VRK2: variants seen among roughly 807,000 people sequenced by gnomAD.
VRK2 encodes serine/threonine-protein kinase VRK2.
A neutral mutation model predicts 57.6 loss-of-function variants in VRK2; 60 were observed. The ratio of observed to expected loss-of-function variants is 1.04; its 90% CI spans 0.85 to 1.29. The LOEUF is 1.29. Ranked by LOEUF, VRK2 falls within the 50% of genes most tolerant of loss-of-function variation. The probability of loss-of-function intolerance (pLI) is 0.00; values close to 1 mark genes in which losing one functional copy is unlikely to be tolerated. For missense variants in VRK2, 705 were observed against 588.1 expected (o/e 1.20, Z -2.06); for synonymous variants, 231 against 199.2 (o/e 1.16, Z -1.35).
At chr2:57,910,305 C>G (rs1273645977) in intron 1 of VRK2, among the ~76,000 whole-genome samples, 2 of 152,152 alleles carry the variant, frequency 1.3e-5, no homozygotes, top group African/African-American at 4.8e-5. Context: ...TGCATTCTAT[C>G]AGAATGGCTG....
At chr2:57,941,622 C>T (rs868295107) in intron 1 of VRK2, among the ~76,000 whole-genome samples, 25 of 152,246 alleles carry the variant, frequency 1.6e-4, no homozygotes, top group Middle Eastern at 3.4e-3. Context: ...ATGCCTGATT[C>T]CCAGGGTACT....
chr2:58,086,435 G>C lies in VRK2; in HGVS notation c.344+9G>C. 6.4e-7 allele frequency: 1 copy of C among 1,566,684 alleles called. No individual in the cohort carries two copies. The highest frequency in any genetic ancestry group is 1.2e-5 in the South Asian group (1 of 83,314). Reference sequence around the variant, plus strand: ...GAATTCAAGGGAAGAAGGTAAAATGGAATTATTATAATCAAATATTTCTTT... The same window carrying C: ...GAATTCAAGGGAAGAAGGTAAAATGCAATTATTATAATCAAATATTTCTTT... On this transcript the variant is annotated intron_variant, in intron 5 of 12. Coordinates refer to ENST00000340157, the MANE Select transcript of VRK2 (RefSeq NM_006296.7).
At chr2:58,085,093 A>T (rs1406846777) in intron 4 of VRK2, 143 bp downstream of exon 4, 1 of 656,982 alleles carries the variant, frequency 1.5e-6, no homozygotes, top group Non-Finnish European at 2.5e-6. Context: ...CTGTTACAAC[A>T]TATAAAAGCA....
chr2:58,010,122 G>A (rs759835213), intron 1 of VRK2, among the ~76,000 whole-genome samples: 9 of 152,092 alleles, frequency 5.9e-5, no homozygotes, highest in Non-Finnish European at 8.8e-5. Flanking sequence ...CAATGAGAAA[G>A]CAACTTGGTA....
At chr2:58,144,627 A>G (rs1164507096) in intron 11 of VRK2, among the ~76,000 whole-genome samples, 1 of 152,020 alleles carries the variant, frequency 6.6e-6, no homozygotes, top group Non-Finnish European at 1.5e-5. Context: ...AGTACGCAAG[A>G]ACCATGGGAG....
chr2:58,120,171 T>G (rs1331248666), intron 7 of VRK2, among the ~76,000 whole-genome samples: 2 of 142,128 alleles, frequency 1.4e-5, no homozygotes, highest in African/African-American at 2.9e-5. Context: ...TTTTGTCTAT[T>G]TTTTTTTCTT....
chr2:58,137,106 TAAC>T (rs1680327676), intron 10 of VRK2, among the ~76,000 whole-genome samples: 1 of 109,882 alleles, frequency 9.1e-6, no homozygotes, highest in African/African-American at 3.4e-5. Flanking sequence ...ATCATATATA[TAAC>T]ATATATCATA....
intron 6 of VRK2, among the ~76,000 whole-genome samples, chr2:58,088,815 G>C (rs1671985923): frequency 6.6e-6 from 1 of 152,164 alleles, no homozygotes; most frequent in Non-Finnish European, 1.5e-5. Context: ...TGTGATGGTA[G>C]GGGGGTGCTA....
At chr2:57,956,533 C>G (rs1319293606) in intron 1 of VRK2, among the ~76,000 whole-genome samples, 2 of 152,172 alleles carry the variant, frequency 1.3e-5, no homozygotes, top group African/African-American at 4.8e-5. Context: ...AATTCTCTTA[C>G]TTTTTCTAGG....
intron 2 of VRK2, among the ~76,000 whole-genome samples, chr2:58,026,571 G>C (rs2103685277): frequency 6.6e-6 from 1 of 152,188 alleles, no homozygotes; most frequent in East Asian, 1.9e-4. Flanking sequence ...GTATGGTTCT[G>C]TTTTATTTTT....
intron 7 of VRK2, among the ~76,000 whole-genome samples, chr2:58,115,531 A>G (rs1676309503): frequency 7.1e-6 from 1 of 141,544 alleles, no homozygotes; most frequent in Middle Eastern, 3.7e-3. Context: ...GGCTAGGCTA[A>G]GACAGTAAGG....
chr2:58,119,320 A>G (rs1439980994), intron 7 of VRK2, among the ~76,000 whole-genome samples: 1 of 151,144 alleles, frequency 6.6e-6, no homozygotes, highest in Admixed American at 6.6e-5. Context: ...TAACATGGTG[A>G]AACCCCATCT....
chr2:58,049,884 T>TTGAA lies in VRK2; in HGVS notation c.136+934_136+937dup, dbSNP rs148208008. On this transcript the variant is annotated intron_variant, in intron 2 of 12. Coordinates refer to ENST00000340157, the MANE Select transcript of VRK2 (RefSeq NM_006296.7). ...TTCTGATAAAATTAAGATTGTAGTTTTGAATGAATGAATGAATGAAGTTTG... is the reference window on the plus strand; with the variant it reads ...TTCTGATAAAATTAAGATTGTAGTTTTGAATGAATGAATGAATGAATGAAGTTTG... Among the ~76,000 whole-genome samples the TTGAA allele has an allele frequency of 6.7e-3, 1,013 of 152,292 alleles. 13 individuals carry two copies. The highest frequency in any genetic ancestry group is 0.023 in the African/African-American group (951 of 41,570).
At chr2:57,997,739 C>G (rs989355903) in intron 1 of VRK2, among the ~76,000 whole-genome samples, 3 of 151,880 alleles carry the variant, frequency 2.0e-5, no homozygotes, top group Non-Finnish European at 4.4e-5. Context: ...ACCGTCTCTA[C>G]AAAAATTAGC....
chr2:58,158,341 A>C (rs561170483), intron 12 of VRK2, among the ~76,000 whole-genome samples: 1 of 152,342 alleles, frequency 6.6e-6, no homozygotes, highest in Admixed American at 6.5e-5. Context: ...TTTAACTCTA[A>C]AGTGAGTCAT....
upstream of VRK2, chr2:58,046,755 C>G (rs1674799302): frequency 1.0e-6 from 1 of 985,404 alleles, no homozygotes; most frequent in South Asian, 4.7e-5. Context: ...GGAGGGCAGG[C>G]TCGAGTGCTG....
chr2:58,117,240 C>T (rs182184894), intron 7 of VRK2, among the ~76,000 whole-genome samples: 10 of 152,212 alleles, frequency 6.6e-5, no homozygotes, highest in Admixed American at 2.6e-4. Context: ...AGAGCCTAAA[C>T]GCTTCTGATT....
At chr2:58,068,585 T>A (rs1247875291) in intron 2 of VRK2, among the ~76,000 whole-genome samples, 2 of 152,152 alleles carry the variant, frequency 1.3e-5, no homozygotes, top group African/African-American at 4.8e-5. Context: ...TTGGAACATT[T>A]CAGTCCTTAT....
At chr2:57,957,165 G>A (rs973629351) in intron 1 of VRK2, among the ~76,000 whole-genome samples, 19 of 152,080 alleles carry the variant, frequency 1.2e-4, no homozygotes, top group African/African-American at 4.6e-4. Flanking sequence ...AATTGAAGTA[G>A]AACAAAAGCT....
Sources: gnomAD v4.1 joint callset for allele counts (sites outside exome capture counted in the v4.1 genomes callset) on GRCh38, gnomAD v4.1.1 for gene constraint, MANE v1.5 for transcripts, NCBI Gene and HGNC (gene_info 2026-07-23, HGNC 2026-07-21) for gene names.